Variants in GABRG3 observed in about 807,000 individuals in gnomAD.
GABRG3 encodes gamma-aminobutyric acid type A receptor subunit gamma3.
Under a neutral mutation model 48.8 loss-of-function variants are expected in GABRG3, and 25 were observed. That is an observed-to-expected ratio of 0.51 (90% CI 0.37 to 0.72). The LOEUF (loss-of-function observed/expected upper bound fraction) is 0.72. Among genes scored for constraint, GABRG3 ranks in the 30% least tolerant of loss-of-function variants. The pLI, the probability that GABRG3 is intolerant of heterozygous loss-of-function variation, is 0.00. For missense variants in GABRG3, 394 were observed against 577.9 expected, an observed-to-expected ratio of 0.68 and a Z score of 3.26; for synonymous variants, 227 against 217.6, an observed-to-expected ratio of 1.04 and a Z score of -0.38.
At chr15:27,008,698 C>G (rs1895632008) in intron 2 of GABRG3, among the ~76,000 whole-genome samples, 1 of 151,822 alleles carries the variant, frequency 6.6e-6, no homozygotes. Flanking sequence ...AGGGCACACA[C>G]CTCATTTTTT....
chr15:27,499,710 A>G (rs1189399904), intron 6 of GABRG3, among the ~76,000 whole-genome samples: 1 of 152,232 alleles, frequency 6.6e-6, no homozygotes, highest in Non-Finnish European at 1.5e-5. Context: ...CTACAACTTC[A>G]GCACATTTTA....
chr15:27,368,845 G>T (rs935268333), intron 5 of GABRG3, among the ~76,000 whole-genome samples: 1 of 152,176 alleles, frequency 6.6e-6, no homozygotes, highest in Non-Finnish European at 1.5e-5. Context: ...GGTGTGGGAA[G>T]GTACTGGGGA....
rs745730529 is a variant in GABRG3 at position 27,532,685 on chromosome 15, C to A, written c.1208C>A (p.Thr403Asn). 3.7e-6 allele frequency: 6 copies of A among 1,613,828 alleles called. No homozygotes were observed. The highest frequency in any genetic ancestry group is 5.1e-6 in the Non-Finnish European group (6 of 1,179,886). ...GTTTACTGGCAGGAATTTGAAGATA[C>A]CTGTGTCTATGAGTGTCTGGATGGC... ...NSVYWQEFED[T>N]CVYECLDGKD... The change falls in exon 10 of 10, where the codon ACC becomes AAC. Residue 403 changes from threonine (T) to asparagine (N), a missense_variant. By Grantham distance (65) the Thr-to-Asn change is moderately conservative. Transcript: ENST00000615808.
intron 5 of GABRG3, among the ~76,000 whole-genome samples, chr15:27,450,674 C>T (rs1889083223): frequency 6.6e-6 from 1 of 151,728 alleles, no homozygotes; most frequent in Admixed American, 6.6e-5. Flanking sequence ...ACTCTTGCCA[C>T]TTCAGTTCAA....
chr15:27,342,688 C>T (rs1439124569), intron 5 of GABRG3, among the ~76,000 whole-genome samples: 1 of 152,210 alleles, frequency 6.6e-6, no homozygotes, highest in Non-Finnish European at 1.5e-5. Context: ...TCGAAAACAG[C>T]TTATTTAATT....
Position 27,180,883 on chromosome 15 carries a change from C to T in GABRG3, c.271-145926C>T, listed in dbSNP as rs1298344765. ...ACTTAAGGCTGGAGGCTTGGACTAA[C>T]CAATCTAACACAGGATTATCGTTCC... On this transcript the variant is annotated intron_variant, in intron 3 of 9. Transcript: ENST00000615808. The surrounding 1 kb of genome is among the most constrained non-coding windows in gnomAD (Gnocchi z 4.2). Among the ~76,000 whole-genome samples, 1 of 152,104 alleles carries T rather than the reference C, an allele frequency of 6.6e-6. No individual in the cohort carries two copies. Among genetic ancestry groups the T allele is most frequent in the East Asian group, 1.9e-4 (1 of 5,166 alleles).
rs1894929541 is a variant in GABRG3 at position 26,975,698 on chromosome 15, C to A, written c.54-1304C>A. ...TCTTGTTAATTATAGATAATTTAGA[C>A]AATTCTCAAAATTAAGTTCCAGAAA... On this transcript the variant is annotated intron_variant, in intron 1 of 9. Coordinates refer to ENST00000615808, the MANE Select transcript of GABRG3 (RefSeq NM_033223.5). This position sits in a 1 kb window ranked among gnomAD's most constrained non-coding sequence, Gnocchi z 4.6. Among the ~76,000 whole-genome samples the A allele has an allele frequency of 6.6e-6, 1 of 152,106 alleles. No homozygotes were observed. The highest frequency in any genetic ancestry group is 2.4e-5 in the African/African-American group (1 of 41,408).
chr15:27,527,462 C>G lies in GABRG3; in HGVS notation c.895C>G (p.Leu299Val). The change falls in exon 8 of 10, where the codon CTG becomes GTG. Residue 299 changes from leucine to valine, a missense_variant. By Grantham distance (32) the Leu-to-Val change is conservative. Around this residue, in one of 3 missense-constraint regions of GABRG3, gnomAD observed 50 missense variants for 112.5 expected, o/e 0.44. Coordinates refer to ENST00000615808, the MANE Select transcript of GABRG3 (RefSeq NM_033223.5). ...CACCACGGTGCTGACCATGACCACC[C>G]TGAGCACCATCGCCAGGAAGTCCTT... ...GITTVLTMTT[L>V]STIARKSLPR... is the part of the protein sequence containing the mutation. 6.2e-7 allele frequency: 1 copy of G among 1,613,956 alleles called. No individual in the cohort carries two copies. Among genetic ancestry groups the G allele is most frequent in the Non-Finnish European group, 8.5e-7 (1 of 1,179,880 alleles).
chr15:27,345,058 TCC>T (rs1894320363), intron 5 of GABRG3, among the ~76,000 whole-genome samples: 1 of 152,222 alleles, frequency 6.6e-6, no homozygotes, highest in African/African-American at 2.4e-5. Context: ...TATTTCTCTA[TCC>T]CTTTCATTTT....
chr15:27,309,020 T>C lies in GABRG3; in HGVS notation c.271-17789T>C, dbSNP rs548113469. 1.7e-4 allele frequency among the ~76,000 whole-genome samples: 26 copies of C among 150,664 alleles called. No homozygotes were observed. The East Asian group carries it at 4.9e-3, about 28-fold the overall frequency. ...CATATAATGTAAAAATATATGTTTATATAGAAACATAATGTAAACATATGT... is the reference window on the plus strand; with the variant it reads ...CATATAATGTAAAAATATATGTTTACATAGAAACATAATGTAAACATATGT... On this transcript the variant is annotated intron_variant, in intron 3 of 9. Coordinates refer to ENST00000615808, the MANE Select transcript of GABRG3 (RefSeq NM_033223.5).
At chr15:27,505,087 C>T (rs1233598361) in intron 6 of GABRG3, among the ~76,000 whole-genome samples, 3 of 152,250 alleles carry the variant, frequency 2.0e-5, no homozygotes, top group Non-Finnish European at 2.9e-5. Flanking sequence ...ATTGATACCA[C>T]GTTGCTTTTA....
At chr15:27,477,409 AG>A (rs995263846) in intron 5 of GABRG3, among the ~76,000 whole-genome samples, 1 of 152,336 alleles carries the variant, frequency 6.6e-6, no homozygotes, top group African/African-American at 2.4e-5. Context: ...TAGTTGCTGC[AG>A]GGAAGGGTTG....
rs1394842706 is a variant in GABRG3 at position 27,388,064 on chromosome 15, G to C, written c.574+59176G>C. On this transcript the variant is annotated intron_variant, in intron 5 of 9. Coordinates refer to ENST00000615808, the MANE Select transcript of GABRG3 (RefSeq NM_033223.5). ...GGAAGGAAGGAAAGGTGGGAGGGAG[G>C]GTAAGGAAGGAAGGAAGGAAAGGAG... Among the ~76,000 whole-genome samples the C allele has an allele frequency of 1.9e-5, 2 of 107,498 alleles. 1 individual carries two copies. The highest frequency in any genetic ancestry group is 8.5e-5 in the African/African-American group (2 of 23,656). The allele number at this position is 107,498 out of a possible 152,430, so 70.5% of individuals were successfully genotyped here.
intron 3 of GABRG3, among the ~76,000 whole-genome samples, chr15:27,262,389 C>G (rs1890794263): frequency 6.6e-6 from 1 of 151,356 alleles, no homozygotes; most frequent in East Asian, 2.0e-4. Context: ...GTGTAGAGCT[C>G]ATCACCACTG....
chr15:27,500,980 T>C lies in GABRG3; in HGVS notation c.713-18992T>C, dbSNP rs1055015302. Among the ~76,000 whole-genome samples, 6 of 119,718 alleles carry C rather than the reference T, an allele frequency of 5.0e-5. No homozygotes were observed. In the Admixed American group the frequency reaches 6.1e-4, roughly 12 times the overall value. The allele number at this position is 119,718 out of a possible 152,430, so 78.5% of individuals were successfully genotyped here. A position where few individuals can be genotyped will look rare whatever the true frequency, so the allele number is the denominator to read the frequency against. ...TTTTTTTTTTTTTTTTGAGACGGAG[T>C]CTCACTCTGTCCCCAGGCTGGAGTG... On this transcript the variant is annotated intron_variant, in intron 6 of 9. Coordinates refer to ENST00000615808, the MANE Select transcript of GABRG3 (RefSeq NM_033223.5).
chr15:27,507,704 T>C (rs1372425594), intron 6 of GABRG3, among the ~76,000 whole-genome samples: 1 of 152,144 alleles, frequency 6.6e-6, no homozygotes, highest in Non-Finnish European at 1.5e-5. Flanking sequence ...AAGTCTTCCA[T>C]ATCCTTACAT....
chr15:27,380,291 C>A (rs1388838317), intron 5 of GABRG3, among the ~76,000 whole-genome samples: 1 of 152,028 alleles, frequency 6.6e-6, no homozygotes, highest in African/African-American at 2.4e-5. Flanking sequence ...TACATGTTGT[C>A]CACTTTTTCC....
At chr15:27,443,543 C>T (rs1303007762) in intron 5 of GABRG3, among the ~76,000 whole-genome samples, 1 of 152,184 alleles carries the variant, frequency 6.6e-6, no homozygotes, top group Non-Finnish European at 1.5e-5. Context: ...TAAGCTGTCA[C>T]ATAAATTTAA....
chr15:27,360,237 T>C (rs974279929), intron 5 of GABRG3, among the ~76,000 whole-genome samples: 3 of 152,124 alleles, frequency 2.0e-5, no homozygotes. Context: ...ACAGTGTTCA[T>C]CCAGCACGAG....
Sources: gnomAD v4.1 joint callset for allele counts (sites outside exome capture counted in the v4.1 genomes callset) on GRCh38, gnomAD v4.1.1 for gene constraint, gnomAD v4.1.1 regional missense constraint, Gnocchi (gnomAD v3.1) non-coding constraint, MANE v1.5 for transcripts, NCBI Gene and HGNC (gene_info 2026-07-23, HGNC 2026-07-21) for gene names.